WRN: variants seen among roughly 807,000 people sequenced by gnomAD.
WRN encodes WRN RecQ like helicase.
Under a neutral mutation model 180.7 loss-of-function variants are expected in WRN, and 149 were observed. The ratio of observed to expected loss-of-function variants is 0.82; its 90% confidence interval spans 0.72 to 0.94. The LOEUF (loss-of-function observed/expected upper bound fraction) is 0.94. WRN is among the 40% of genes least tolerant of loss of function. WRN has a pLI of 0.00. For missense variants in WRN, 1,661 were observed against 1,700.1 expected, an observed-to-expected ratio of 0.98 and a Z score of 0.40; for synonymous variants, 548 against 568.9, an observed-to-expected ratio of 0.96 and a Z score of 0.52.
At chr8:31,129,877 C>T (rs536971136) in intron 23 of WRN, among the ~76,000 whole-genome samples, 15 of 151,914 alleles carry the variant, frequency 9.9e-5, no homozygotes, top group Admixed American at 5.2e-4. Flanking sequence ...TGGTGGCACG[C>T]GCCTGTAGTC....
chr8:31,067,015 C>A lies in WRN; in HGVS notation c.505-18C>A. On this transcript the variant is annotated intron_variant, in intron 5 of 34. Coordinates refer to ENST00000298139, the MANE Select transcript of WRN (RefSeq NM_000553.6). ...AACAGGAACTGATTTTACTGTGTTG[C>A]TTTTTCATCATTTCTAGCTGAAATG... The A allele has an allele frequency of 1.9e-6, 3 of 1,613,192 alleles. No homozygotes were observed. Among genetic ancestry groups the A allele is most frequent in the South Asian group, 1.1e-5 (1 of 91,062 alleles).
rs17847577 is a variant in WRN at position 31,081,132 on chromosome 8, C to T, written c.1105C>T (p.Arg369Ter). The T allele has an allele frequency of 2.5e-4, 411 of 1,613,510 alleles. No individual in the cohort carries two copies. The highest frequency in any genetic ancestry group is 3.3e-4 in the Admixed American group (20 of 59,940). ...AGATGTACTTGGAAATAAAGTGGAACGAAAAGAAGATGGATTTGAAGATGG... is the reference window on the plus strand; with the variant it reads ...AGATGTACTTGGAAATAAAGTGGAATGAAAAGAAGATGGATTTGAAGATGG... ...GEDVLGNKVE[R>*]KEDGFEDGVE... The change falls in exon 9 of 35, where the codon CGA becomes TGA. Residue 369 changes from arginine to a stop codon, truncating the protein, a stop_gained. Transcript: ENST00000298139. LOFTEE classifies it high-confidence loss of function.
At chr8:31,119,142 C>G (rs555560112) in intron 20 of WRN, among the ~76,000 whole-genome samples, 1 of 151,874 alleles carries the variant, frequency 6.6e-6, no homozygotes, top group East Asian at 1.9e-4. Context: ...CTTTCTTTTA[C>G]TTACTCAGCA....
intron 5 of WRN, 124 bp downstream of exon 5, chr8:31,065,187 A>C: frequency 1.0e-6 from 1 of 980,582 alleles, no homozygotes; most frequent in Non-Finnish European, 1.5e-6. Context: ...TTGTAGCAAT[A>C]AAAAAGTTCC....
chr8:31,096,807 T>C lies in WRN; in HGVS notation c.1938T>C (p.Cys646=), dbSNP rs1263151167. ...TTGTATACGTAACTCCAGAATACTG[T>C]TCAGGTAACATGGGCCTGCTCCAGC... ...YRIVYVTPEY[C]SGNMGLLQQL... Residue 646 remains cysteine (C), a synonymous_variant, in exon 17 of 35, where the codon TGT becomes TGC. Transcript: ENST00000298139. 5 of 1,613,386 alleles carry C rather than the reference T, an allele frequency of 3.1e-6. No individual in the cohort carries two copies. Among genetic ancestry groups the C allele is most frequent in the Non-Finnish European group, 2.5e-6 (3 of 1,179,858 alleles).
intron 33 of WRN, 43 bp from the exon 34 acceptor site, chr8:31,166,979 C>T (rs1394946488): frequency 1.3e-6 from 2 of 1,544,688 alleles, no homozygotes; most frequent in African/African-American, 1.4e-5. Context: ...CTAAAATATT[C>T]TCTGTAATTT....
chr8:31,090,728 A>G (rs1813714712), intron 14 of WRN, 106 bp from the exon 15 acceptor site: 1 of 1,084,428 alleles, frequency 9.2e-7, no homozygotes, highest in East Asian at 2.6e-5. Context: ...ACTAGTATTG[A>G]CCATTCATCT....
At chr8:31,072,122 G>T (rs957364415) in intron 7 of WRN, among the ~76,000 whole-genome samples, 1 of 152,188 alleles carries the variant, frequency 6.6e-6, no homozygotes, top group Admixed American at 6.5e-5. Flanking sequence ...GAACATTTGC[G>T]TGGAGGAGGG....
chr8:31,037,780 T>G (rs1490027119), intron 1 of WRN, among the ~76,000 whole-genome samples: 1 of 152,210 alleles, frequency 6.6e-6, no homozygotes. Context: ...CTGTTTTAAT[T>G]ACTAGAGTTT....
intron 31 of WRN, among the ~76,000 whole-genome samples, chr8:31,153,935 T>G (rs1262264231): frequency 6.6e-6 from 1 of 152,174 alleles, no homozygotes; most frequent in Non-Finnish European, 1.5e-5. Flanking sequence ...TTTAAATTAT[T>G]AATTTCATCT....
At chr8:31,099,213 A>G (rs1814112853) in intron 17 of WRN, among the ~76,000 whole-genome samples, 3 of 152,108 alleles carry the variant, frequency 2.0e-5, no homozygotes, top group Non-Finnish European at 2.9e-5. Context: ...CCTGGCGAAC[A>G]TGGTGAAACC....
chr8:31,035,994 A>G (rs989507189), intron 1 of WRN, among the ~76,000 whole-genome samples: 17 of 152,124 alleles, frequency 1.1e-4, no homozygotes, highest in African/African-American at 4.1e-4. Flanking sequence ...TTTTGTACTC[A>G]TTAACAGCCT....
In WRN at chr8:31,172,759, A is replaced by C. The variant is rs6982948; in HGVS notation, c.4192-236A>C. ...TTACTGAATGAGGTGTGTTGAGTGT[A>C]TAAGACTACATGATGAGATGGCAAG... On this transcript the variant is annotated intron_variant, in intron 34 of 34. Transcript: ENST00000298139. Among the ~76,000 whole-genome samples the C allele has an allele frequency of 0.14, 21,511 of 152,232 alleles. 1,673 individuals are homozygous for C. Among genetic ancestry groups the C allele is most frequent in the African/African-American group, 0.19 (7,906 of 41,510 alleles).
chr8:31,112,922 T>C (rs1418268340), intron 19 of WRN, among the ~76,000 whole-genome samples: 1 of 152,028 alleles, frequency 6.6e-6, no homozygotes, highest in African/African-American at 2.4e-5. Context: ...TAAATGCTTC[T>C]TGTCCAATCA....
intron 23 of WRN, among the ~76,000 whole-genome samples, chr8:31,130,004 C>CAAA (rs374855114): frequency 0.056 from 4,369 of 77,520 alleles, 355 homozygotes; most frequent in Non-Finnish European, 0.061. Flanking sequence ...ACTCTTGTCT[C>CAAA]AAAAAAAAAA....
At chr8:31,052,531 G>A (rs560707930) in intron 1 of WRN, among the ~76,000 whole-genome samples, 15 of 152,214 alleles carry the variant, frequency 9.9e-5, no homozygotes, top group Non-Finnish European at 2.1e-4. Context: ...GGGATTACAG[G>A]CGTGCACCAC....
chr8:31,045,932 TG>T (rs1382871838), intron 1 of WRN, among the ~76,000 whole-genome samples: 2 of 152,214 alleles, frequency 1.3e-5, no homozygotes, highest in Admixed American at 6.5e-5. Context: ...TGGGTCTGGC[TG>T]TGCCGAAACG....
chr8:31,159,627 A>C (rs559983324), intron 33 of WRN, among the ~76,000 whole-genome samples: 157 of 152,044 alleles, frequency 1.0e-3, no homozygotes, highest in East Asian at 2.3e-3. Flanking sequence ...CCCTCCCCCC[A>C]AAAAATTATA....
chr8:31,113,351 G>GAT (rs1413542748), intron 19 of WRN, among the ~76,000 whole-genome samples: 1 of 152,124 alleles, frequency 6.6e-6, no homozygotes, highest in Non-Finnish European at 1.5e-5. Flanking sequence ...GGACCTTAAG[G>GAT]AATAATTGAA....
Sources: allele counts gnomAD v4.1 joint callset (sites outside exome capture counted in the v4.1 genomes callset), GRCh38; gene constraint gnomAD v4.1.1; transcripts MANE v1.5; gene names NCBI Gene and HGNC (gene_info 2026-07-23, HGNC 2026-07-21).